Variants in AGBL1 observed in about 807,000 individuals in gnomAD.
AGBL1 encodes cytosolic carboxypeptidase 4.
Under a neutral mutation model 118.9 loss-of-function variants are expected in AGBL1, and 130 were observed. That is an observed-to-expected ratio of 1.09 (90% CI 0.95 to 1.26). The LOEUF is 1.26. Among genes scored for constraint, AGBL1 ranks in the 50% most tolerant of loss-of-function variants. AGBL1 has a pLI of 0.00. For synonymous variants in AGBL1, 555 were observed against 478.9 expected (o/e 1.16, Z -2.08); for missense variants, 1,584 against 1,298.1 (o/e 1.22, Z -3.38).
At chr15:86,474,866 C>G (rs2082533616) in intron 18 of AGBL1, among the ~76,000 whole-genome samples, 1 of 152,218 alleles carries the variant, frequency 6.6e-6, no homozygotes, top group South Asian at 2.1e-4. Flanking sequence ...AGGTACCCCT[C>G]TGAGACGAAG....
chr15:86,936,008 C>G (rs940453994), intron 23 of AGBL1, among the ~76,000 whole-genome samples: 3 of 152,224 alleles, frequency 2.0e-5, no homozygotes, highest in Non-Finnish European at 4.4e-5. Context: ...GGCTGAAGAG[C>G]CCTGCTCCAG....
rs140919056 is a variant in AGBL1 at position 86,493,670 on chromosome 15, G to A, written c.2556-29140G>A. Among the ~76,000 whole-genome samples, 117 of 152,044 alleles carry A rather than the reference G, an allele frequency of 7.7e-4. 1 individual carries two copies. The highest frequency in any genetic ancestry group is 2.5e-3 in the African/African-American group (104 of 41,508). On this transcript the variant is annotated intron_variant, in intron 18 of 22. Coordinates refer to ENST00000614907, the MANE Select transcript of AGBL1 (RefSeq NM_001386094.1). ...GATTTCAGTCCACACACTTTCTTCC[G>A]TAATGCTGTGGGTTTTTGCACAATA...
intron 21 of AGBL1, among the ~76,000 whole-genome samples, chr15:86,575,210 G>A (rs2084071848): frequency 6.6e-6 from 1 of 151,190 alleles, no homozygotes; most frequent in African/African-American, 2.4e-5. Context: ...AAAAGTTATT[G>A]CACATGGGCT....
At chr15:86,268,950 G>C (rs2142047234) in intron 13 of AGBL1, among the ~76,000 whole-genome samples, 2 of 152,300 alleles carry the variant, frequency 1.3e-5, no homozygotes, top group South Asian at 4.1e-4. Context: ...AATACCAAGA[G>C]GATGGAGCAA....
intron 3 of AGBL1, among the ~76,000 whole-genome samples, chr15:86,152,293 A>G (rs2077123986): frequency 6.6e-6 from 1 of 152,222 alleles, no homozygotes; most frequent in Admixed American, 6.5e-5. Context: ...AGTAACCAAA[A>G]CAGCATGGTA....
intron 18 of AGBL1, among the ~76,000 whole-genome samples, chr15:86,418,428 T>C (rs937272367): frequency 6.6e-6 from 1 of 152,228 alleles, no homozygotes; most frequent in African/African-American, 2.4e-5. Context: ...AAAGTTGGGC[T>C]GGCACAGCTG....
At chr15:86,565,375 T>C (rs2083897513) in intron 21 of AGBL1, among the ~76,000 whole-genome samples, 1 of 152,260 alleles carries the variant, frequency 6.6e-6, no homozygotes, top group Non-Finnish European at 1.5e-5. Flanking sequence ...TGCAGGTCTG[T>C]TGCGGTTTGC....
At chr15:86,637,160 A>G (rs145970596) in intron 21 of AGBL1, among the ~76,000 whole-genome samples, 13 of 152,250 alleles carry the variant, frequency 8.5e-5, no homozygotes, top group African/African-American at 3.1e-4. Flanking sequence ...AGTGAGGAAG[A>G]TGCACATTAC....
At chr15:86,575,922 C>T (rs1259162591) in intron 21 of AGBL1, among the ~76,000 whole-genome samples, 3 of 152,118 alleles carry the variant, frequency 2.0e-5, no homozygotes, top group African/African-American at 7.2e-5. Context: ...CTGAAATCTT[C>T]CAGAAATTTA....
intron 6 of AGBL1, among the ~76,000 whole-genome samples, chr15:86,227,086 G>A (rs1357405818): frequency 6.6e-6 from 1 of 151,952 alleles, no homozygotes; most frequent in East Asian, 1.9e-4. Flanking sequence ...CATGATTTGT[G>A]ATTTTTCCCA....
intron 18 of AGBL1, among the ~76,000 whole-genome samples, chr15:86,449,929 C>T (rs979228314): frequency 8.5e-5 from 12 of 140,642 alleles, no homozygotes; most frequent in African/African-American, 2.5e-4. Flanking sequence ...AAACCCCTTT[C>T]TCTTTTGCTG....
chr15:86,147,281 A>T (rs1200332070), intron 3 of AGBL1, among the ~76,000 whole-genome samples: 4 of 152,182 alleles, frequency 2.6e-5, no homozygotes, highest in African/African-American at 9.7e-5. Flanking sequence ...GGTGCAGCCC[A>T]TGGAGGGCAA....
At chr15:86,240,277 A>T (rs148774673) in intron 6 of AGBL1, among the ~76,000 whole-genome samples, 175 of 152,340 alleles carry the variant, frequency 1.1e-3, no homozygotes, top group African/African-American at 4.1e-3. Flanking sequence ...TCACGTTGTA[A>T]TGTGTTCTGA....
At chr15:86,250,152 G>T (rs900944401) in intron 7 of AGBL1, among the ~76,000 whole-genome samples, 2 of 152,114 alleles carry the variant, frequency 1.3e-5, no homozygotes, top group African/African-American at 4.8e-5. Context: ...CTGGAAGAGT[G>T]TATAGAATGT....
chr15:86,891,641 A>G (rs1032134111), intron 22 of AGBL1, among the ~76,000 whole-genome samples: 1 of 151,804 alleles, frequency 6.6e-6, no homozygotes, highest in Non-Finnish European at 1.5e-5. Context: ...TAGTAGCTTG[A>G]GCAACAGCAC....
intron 19 of AGBL1, among the ~76,000 whole-genome samples, 184 bp downstream of exon 19, chr15:86,523,123 C>A (rs1001948940): frequency 3.9e-5 from 6 of 152,210 alleles, no homozygotes; most frequent in African/African-American, 1.4e-4. Flanking sequence ...AACTGGGTAG[C>A]TTTGTGTAAT....
Position 86,840,376 on chromosome 15 carries a change from G to A in AGBL1, c.3159-66711G>A, listed in dbSNP as rs1286636663. Among the ~76,000 whole-genome samples the A allele has an allele frequency of 2.0e-5, 3 of 152,160 alleles. No homozygotes were observed. The South Asian group carries it at 6.2e-4, about 32-fold the overall frequency. On this transcript the variant is annotated intron_variant, in intron 22 of 22. Coordinates refer to ENST00000614907, the MANE Select transcript of AGBL1 (RefSeq NM_001386094.1). ...CCAAGATGACACTGTGTGGAAATTG[G>A]ACCAAGCTTAAGCTCCCAAAAGATG...
chr15:86,224,541 C>T (rs985802914), intron 5 of AGBL1, among the ~76,000 whole-genome samples: 3 of 152,128 alleles, frequency 2.0e-5, no homozygotes, highest in Non-Finnish European at 4.4e-5. Flanking sequence ...AGACCATCCT[C>T]CAGAGTCCCT....
chr15:86,697,660 C>G (rs1467278220), intron 22 of AGBL1, among the ~76,000 whole-genome samples: 6 of 151,610 alleles, frequency 4.0e-5, no homozygotes, highest in Non-Finnish European at 2.9e-5. Flanking sequence ...GTTAAAGAAC[C>G]TTGTTTTGTC....
Sources: allele counts gnomAD v4.1 joint callset (sites outside exome capture counted in the v4.1 genomes callset), GRCh38; gene constraint gnomAD v4.1.1; transcripts MANE v1.5; gene names NCBI Gene and HGNC (gene_info 2026-07-23, HGNC 2026-07-21).